RC3H1: variants seen among roughly 807,000 people sequenced by gnomAD.
RC3H1 encodes roquin-1.
A neutral mutation model predicts 138.2 loss-of-function variants in RC3H1; 50 were observed. That is an observed-to-expected ratio of 0.36 (90% CI 0.29 to 0.46). RC3H1 has a LOEUF of 0.46. Among genes scored for constraint, RC3H1 ranks in the 20% least tolerant of loss-of-function variants. RC3H1 has a pLI of 1.00. For synonymous variants in RC3H1, 462 were observed against 489.1 expected, an observed-to-expected ratio of 0.94 and a Z score of 0.73; for missense variants, 1,031 against 1,388.1, an observed-to-expected ratio of 0.74 and a Z score of 4.09.
intron 19 of RC3H1, among the ~76,000 whole-genome samples, chr1:173,939,422 T>C (rs938810235): frequency 6.8e-6 from 1 of 146,724 alleles, no homozygotes; most frequent in Non-Finnish European, 1.5e-5. Flanking sequence ...AAAAACCTAC[T>C]AGGGAGGCAG....
chr1:174,011,645 C>G (rs1183949358), intron 1 of RC3H1, among the ~76,000 whole-genome samples: 2 of 151,898 alleles, frequency 1.3e-5, no homozygotes, highest in Non-Finnish European at 2.9e-5. Context: ...AAGGACTAAG[C>G]ACAGAGGGAC....
intron 18 of RC3H1, among the ~76,000 whole-genome samples, chr1:173,942,822 C>A (rs1330972760): frequency 2.0e-5 from 3 of 150,342 alleles, no homozygotes. Flanking sequence ...AGAGACTCCG[C>A]CTCAAAAAAA....
chr1:174,008,793 A>T (rs1385954928), intron 1 of RC3H1, among the ~76,000 whole-genome samples: 1 of 152,072 alleles, frequency 6.6e-6, no homozygotes, highest in Non-Finnish European at 1.5e-5. Context: ...CCTGACCAAC[A>T]TGGCGAAACG....
At chr1:173,943,068 T>C (rs1007168282) in intron 18 of RC3H1, among the ~76,000 whole-genome samples, 1 of 152,190 alleles carries the variant, frequency 6.6e-6, no homozygotes, top group African/African-American at 2.4e-5. Flanking sequence ...GAAACTAGAA[T>C]GTTATTTGGT....
At chr1:174,002,614 T>A (rs909291731) in intron 1 of RC3H1, among the ~76,000 whole-genome samples, 1 of 152,218 alleles carries the variant, frequency 6.6e-6, no homozygotes, top group African/African-American at 2.4e-5. Context: ...CCACCACTAT[T>A]GTGGAATAAT....
Position 173,959,615 on chromosome 1 carries a change from C to T in RC3H1, c.2370+1462G>A, listed in dbSNP as rs542347496. The stretch of plus-strand genomic sequence containing the variant: ...GTGAAACCCCGTCTCTACTAAAATA[C>T]AAAAAATTAGCCGGGCATGGTGGCT... On this transcript the variant is annotated intron_variant, in intron 13 of 19. Transcript: ENST00000367696. Among the ~76,000 whole-genome samples, 13 of 151,544 alleles carry T rather than the reference C, an allele frequency of 8.6e-5. 1 individual carries two copies. The highest frequency in any genetic ancestry group is 3.1e-4 in the African/African-American group (13 of 41,334).
At chr1:173,959,557 G>T (rs1414342405) in intron 13 of RC3H1, among the ~76,000 whole-genome samples, 3 of 151,904 alleles carry the variant, frequency 2.0e-5, no homozygotes, top group Admixed American at 2.0e-4. Flanking sequence ...GATCACCTGA[G>T]GTCAAGAGAT....
intron 3 of RC3H1, 50 bp downstream of exon 3, chr1:173,984,449 A>T: frequency 1.3e-6 from 2 of 1,581,450 alleles, no homozygotes; most frequent in Non-Finnish European, 1.7e-6. Context: ...TGTACTGAGT[A>T]TTTAAAAAAG....
intron 7 of RC3H1, among the ~76,000 whole-genome samples, chr1:173,974,489 A>G (rs1660491662): frequency 6.6e-6 from 1 of 152,122 alleles, no homozygotes; most frequent in Non-Finnish European, 1.5e-5. Flanking sequence ...AAAAACTACA[A>G]AAGGCCCTAT....
chr1:173,964,264 C>T, intron 10 of RC3H1, 77 bp from the exon 11 acceptor site: 1 of 1,251,996 alleles, frequency 8.0e-7, no homozygotes, highest in Non-Finnish European at 1.1e-6. Context: ...AAAAAGATTG[C>T]TACAATTTGG....
intron 1 of RC3H1, among the ~76,000 whole-genome samples, chr1:174,011,428 T>C (rs1373516900): frequency 1.3e-5 from 2 of 151,646 alleles, no homozygotes; most frequent in Non-Finnish European, 1.5e-5. Context: ...AATTGACATA[T>C]AAAATATGGG....
At chr1:173,982,602 A>G (rs1417813319) in intron 5 of RC3H1, 125 bp downstream of exon 5, 7 of 767,854 alleles carry the variant, frequency 9.1e-6, no homozygotes, top group Non-Finnish European at 1.4e-5. Context: ...TTAAAAGAAT[A>G]AAGAAAAATT....
At chr1:173,945,714 GTTTT>G (rs199936325) in intron 17 of RC3H1, among the ~76,000 whole-genome samples, 2 of 146,764 alleles carry the variant, frequency 1.4e-5, no homozygotes, top group Non-Finnish European at 3.0e-5. Flanking sequence ...TCAAAGTTCT[GTTTT>G]TTTTTTTGAG....
In RC3H1 at chr1:173,964,820, A is replaced by C. The variant is rs370336748; in HGVS notation, c.1616+19T>G. 38 of 1,589,816 alleles carry C rather than the reference A, an allele frequency of 2.4e-5. No individual in the cohort carries two copies. The highest frequency in any genetic ancestry group is 3.2e-5 in the Non-Finnish European group (37 of 1,164,716). ...TATGAAGAAGAAATTTTGAAATAAG[A>C]GTTAGAAAAATGACGTACAGGTCAG... is the stretch of plus-strand genomic sequence containing the variant. On this transcript the variant is annotated intron_variant, in intron 10 of 19. Coordinates refer to ENST00000367696, the MANE Select transcript of RC3H1 (RefSeq NM_172071.4).
chr1:173,960,916 C>A, intron 13 of RC3H1, 161 bp downstream of exon 13: 3 of 665,936 alleles, frequency 4.5e-6, no homozygotes, highest in Non-Finnish European at 7.4e-6. Flanking sequence ...TACATACATA[C>A]AAAAATCAGT....
chr1:173,954,239 T>C (rs79489783), intron 13 of RC3H1, among the ~76,000 whole-genome samples: 4,517 of 152,194 alleles, frequency 0.03, 218 homozygotes, highest in African/African-American at 0.098. Context: ...GAAATACTAT[T>C]CAGACATAAA....
At chr1:173,948,318 C>A (rs7525411) in intron 14 of RC3H1, among the ~76,000 whole-genome samples, 1,833 of 152,204 alleles carry the variant, frequency 0.012, 46 homozygotes, top group African/African-American at 0.042. Context: ...TGTTCCTTTT[C>A]TCTGTTTAGC....
chr1:173,950,523 A>C (rs1312198420), intron 14 of RC3H1, among the ~76,000 whole-genome samples: 1 of 150,980 alleles, frequency 6.6e-6, no homozygotes, highest in Non-Finnish European at 1.5e-5. Context: ...CAGGAGTGTG[A>C]GGCTGCAGTG....
At chr1:173,963,940 G>C (rs1659985342) in intron 11 of RC3H1, 33 bp downstream of exon 11, 1 of 1,566,510 alleles carries the variant, frequency 6.4e-7, no homozygotes, top group Non-Finnish European at 8.8e-7. Flanking sequence ...TAATTCCTAA[G>C]AAAAGTTAGC....
Sources: gnomAD v4.1 joint callset for allele counts (sites outside exome capture counted in the v4.1 genomes callset) on GRCh38, gnomAD v4.1.1 for gene constraint, MANE v1.5 for transcripts, NCBI Gene and HGNC (gene_info 2026-07-23, HGNC 2026-07-21) for gene names.